ESR1: variants seen among roughly 807,000 people sequenced by gnomAD.
The protein encoded by ESR1 is estrogen receptor.
In ESR1, 12 loss-of-function variants were observed where a neutral mutation model predicts 52.7. The observed-to-expected ratio is 0.23, with a 90% CI of 0.15 to 0.37. The LOEUF (loss-of-function observed/expected upper bound fraction) is 0.37. Ranked by LOEUF, ESR1 falls within the 10% of genes least tolerant of loss-of-function variation. The pLI is 1.00. For missense variants in ESR1, 584 were observed against 779.7 expected (o/e 0.75, Z 2.99); for synonymous variants, 305 against 316.8 (o/e 0.96, Z 0.39).
chr6:152,093,286 A>C (rs1182317449), intron 6 of ESR1, among the ~76,000 whole-genome samples: 1 of 143,638 alleles, frequency 7.0e-6, no homozygotes, highest in Non-Finnish European at 1.5e-5. Context: ...AAAAAAAAAC[A>C]AAAAAAAAAA....
chr6:151,935,331 C>T (rs1455918601), intron 3 of ESR1, among the ~76,000 whole-genome samples: 1 of 152,198 alleles, frequency 6.6e-6, no homozygotes, highest in Non-Finnish European at 1.5e-5. Context: ...GGATGAATAA[C>T]CAGACTTGGA....
intron 2 of ESR1, among the ~76,000 whole-genome samples, chr6:151,709,073 G>A (rs890786840): frequency 1.3e-5 from 2 of 151,974 alleles, no homozygotes; most frequent in African/African-American, 2.4e-5. Flanking sequence ...TTACTTTTCC[G>A]ATTTAACTGA....
intron 2 of ESR1, among the ~76,000 whole-genome samples, chr6:151,747,895 A>T (rs1783599352): frequency 6.6e-6 from 1 of 152,210 alleles, no homozygotes; most frequent in African/African-American, 2.4e-5. Context: ...GTTGATGAAC[A>T]TTTGGGTTTC....
At chr6:151,867,316 G>A (rs915876391) in intron 2 of ESR1, among the ~76,000 whole-genome samples, 2 of 151,998 alleles carry the variant, frequency 1.3e-5, no homozygotes, top group Non-Finnish European at 2.9e-5. Flanking sequence ...ACTATCATCA[G>A]AGTGAACAGG....
chr6:151,808,339 G>T lies in ESR1; in HGVS notation c.427G>T (p.Glu143Ter). The T allele has an allele frequency of 6.5e-7, 1 of 1,527,958 alleles. No individual in the cohort carries two copies. The highest frequency in any genetic ancestry group is 2.4e-5 in the East Asian group (1 of 42,206). The allele number at this position is 1,527,958 out of a possible 1,614,324, so 94.7% of individuals were successfully genotyped here. ...ENEPSGYTVR[E>*]AGPPAFYRPN... ...CGAGCCCAGCGGCTACACGGTGCGC[G>T]AGGCCGGCCCGCCGGCATTCTACAG... The change falls in exon 1 of 8, where the codon GAG (glutamate) becomes TAG (stop). Residue 143 changes from glutamate to a stop codon, truncating the protein, a stop_gained. Transcript: ENST00000206249. LOFTEE classifies it high-confidence loss of function.
intron 1 of ESR1, among the ~76,000 whole-genome samples, chr6:151,832,562 G>A (rs6909023): frequency 0.083 from 12,680 of 152,208 alleles, 936 homozygotes; most frequent in African/African-American, 0.2. Context: ...GGACTGGGAT[G>A]TTGCCACACA....
chr6:152,067,733 A>G (rs757255498), intron 6 of ESR1, among the ~76,000 whole-genome samples: 7 of 152,164 alleles, frequency 4.6e-5, no homozygotes, highest in Admixed American at 6.5e-5. Context: ...AGGCTAATGC[A>G]GGAGAATCAC....
At chr6:151,956,793 C>CAT (rs1344031342) in intron 4 of ESR1, among the ~76,000 whole-genome samples, 11 of 143,122 alleles carry the variant, frequency 7.7e-5, no homozygotes, top group African/African-American at 2.3e-4. Context: ...TGTATACATA[C>CAT]ATATATATGT....
chr6:152,096,499 A>C (rs1170488221), intron 7 of ESR1, among the ~76,000 whole-genome samples: 1 of 152,200 alleles, frequency 6.6e-6, no homozygotes, highest in Non-Finnish European at 1.5e-5. Flanking sequence ...CCATATGTGA[A>C]GACTTACATA....
chr6:151,922,098 C>T (rs1225500587), intron 3 of ESR1, among the ~76,000 whole-genome samples: 2 of 152,070 alleles, frequency 1.3e-5, no homozygotes, highest in African/African-American at 4.8e-5. Flanking sequence ...CAGCATGGTA[C>T]TGGTACAAAT....
At chr6:151,814,267 A>G (rs927115890) in intron 1 of ESR1, 1 of 152,154 alleles carries the variant, frequency 6.6e-6, no homozygotes, top group African/African-American at 2.4e-5. Flanking sequence ...TCATCTTCAC[A>G]TTGGCGTACT....
chr6:151,736,083 C>T (rs557415528), intron 2 of ESR1, among the ~76,000 whole-genome samples: 8 of 152,256 alleles, frequency 5.3e-5, no homozygotes, highest in East Asian at 1.9e-4. Flanking sequence ...TACCCAGTCT[C>T]GGGTATTTCT....
upstream of ESR1, chr6:151,804,392 C>T (rs1383939512): frequency 1.3e-5 from 2 of 152,212 alleles, no homozygotes; most frequent in Non-Finnish European, 2.9e-5. Context: ...TTCCTCTCTC[C>T]TCCCTCCCTG....
upstream of ESR1, among the ~76,000 whole-genome samples, chr6:151,806,530 G>GTATATATATATATATATATATATATATA (rs56020486): frequency 5.2e-5 from 5 of 96,466 alleles, no homozygotes; most frequent in Non-Finnish European, 8.7e-5. Flanking sequence ...TCCTTAATAT[G>GTATATATATATATATATATATATATATA]TATATATATA....
chr6:152,098,582 C>A lies in ESR1; in HGVS notation c.1554-150C>A. 1 of 720,374 alleles carries A rather than the reference C, an allele frequency of 1.4e-6. No homozygotes were observed. Among genetic ancestry groups the A allele is most frequent in the Non-Finnish European group, 2.4e-6 (1 of 409,400 alleles). 44.6% of individuals were successfully genotyped at this position (720,374 alleles called of 1,614,324 possible). A position where few individuals can be genotyped will look rare whatever the true frequency, so the allele number is the denominator to read the frequency against. ...TTCTGAAAGCCCTCAGCTTTCCCAG[C>A]TCCCATCCTAAAGTGGGTCTTTAAA... On this transcript the variant is annotated intron_variant, in intron 7 of 7. Coordinates refer to ENST00000206249, the MANE Select transcript of ESR1 (RefSeq NM_000125.4). The surrounding 1 kb of genome is among the most constrained non-coding windows in gnomAD (Gnocchi z 5.1).
intron 3 of ESR1, among the ~76,000 whole-genome samples, chr6:151,913,421 G>A (rs1243779180): frequency 4.6e-5 from 7 of 152,190 alleles, no homozygotes. Context: ...TTATAATTAA[G>A]ATTTTGTACA....
chr6:151,857,524 C>CT (rs533213593), intron 2 of ESR1, among the ~76,000 whole-genome samples: 1 of 151,348 alleles, frequency 6.6e-6, no homozygotes, highest in Non-Finnish European at 1.5e-5. Flanking sequence ...TGTGTATATA[C>CT]TTTTTTTTCT....
At chr6:151,932,413 C>G (rs2033771151) in intron 3 of ESR1, among the ~76,000 whole-genome samples, 1 of 126,442 alleles carries the variant, frequency 7.9e-6, no homozygotes, top group African/African-American at 3.1e-5. Flanking sequence ...TGCCTGTTCA[C>G]TCTGATGGTA....
At chr6:151,977,342 T>C (rs1351158213) in intron 4 of ESR1, among the ~76,000 whole-genome samples, 1 of 151,290 alleles carries the variant, frequency 6.6e-6, no homozygotes, top group African/African-American at 2.4e-5. Flanking sequence ...CAACTTTGGC[T>C]CTGGGTAGGG....
Sources: allele counts gnomAD v4.1 joint callset (sites outside exome capture counted in the v4.1 genomes callset), GRCh38; gene constraint gnomAD v4.1.1; non-coding constraint Gnocchi (gnomAD v3.1); transcripts MANE v1.5; gene names NCBI Gene and HGNC (gene_info 2026-07-23, HGNC 2026-07-21).